The following NEBL variants were observed in gnomAD, a reference collection of about 807,000 sequenced individuals.
NEBL encodes nebulette.
In NEBL, 122 loss-of-function variants were observed where a neutral mutation model predicts 140.2. That is an observed-to-expected ratio of 0.87 (90% CI 0.75 to 1.01). NEBL has a LOEUF of 1.01. Ranked by LOEUF, NEBL falls within the 50% of genes least tolerant of loss-of-function variation. The pLI, the probability that NEBL is intolerant of heterozygous loss-of-function variation, is 0.00. For missense variants in NEBL, 1,365 were observed against 1,231.3 expected, an observed-to-expected ratio of 1.11 and a Z score of -1.62; for synonymous variants, 436 against 398.9, an observed-to-expected ratio of 1.09 and a Z score of -1.11.
In NEBL at chr10:21,253,489, G is replaced by C. The variant is rs953478404; in HGVS notation, n.183-1661C>G. Among the ~76,000 whole-genome samples the C allele has an allele frequency of 1.7e-4, 26 of 151,516 alleles. No individual in the cohort carries two copies. In the South Asian group the frequency reaches 2.1e-3, roughly 12 times the overall value. On this transcript the variant is annotated intron_variant and non_coding_transcript_variant, in intron 1 of 8. Transcript: ENST00000675702. ...GATAAACTAGACAACATTGAGGGTAGGAGCCATTTATAGAGTACTTAGTGG... is the reference window on the plus strand; with the variant it reads ...GATAAACTAGACAACATTGAGGGTACGAGCCATTTATAGAGTACTTAGTGG...
Position 20,859,713 on chromosome 10 carries a change from A to G in NEBL, c.798T>C (p.Asn266=), listed in dbSNP as rs770019579. Residue 266 remains asparagine (N), a splice_region_variant and synonymous_variant, in exon 8 of 28, where the codon AAT becomes AAC. Transcript: ENST00000377122. ...QNQLAATLAS[N]VKYKKDIQNM... ...TAATTTTCTATGAATTACAACTTACATTGCTCGCCAGTGTAGCAGCAAGCT... is the reference window on the plus strand; with the variant it reads ...TAATTTTCTATGAATTACAACTTACGTTGCTCGCCAGTGTAGCAGCAAGCT... 3 of 1,560,650 alleles carry G rather than the reference A, an allele frequency of 1.9e-6. No individual in the cohort carries two copies. The highest frequency in any genetic ancestry group is 1.7e-5 in the Admixed American group (1 of 59,418).
intron 1 of NEBL, among the ~76,000 whole-genome samples, chr10:21,268,626 C>A (rs1842826682): frequency 6.6e-6 from 1 of 151,296 alleles, no homozygotes; most frequent in Non-Finnish European, 1.5e-5. Flanking sequence ...CAGGTTCATG[C>A]AATTCTCCTG....
chr10:21,025,918 T>C, intron 2 of NEBL, among the ~76,000 whole-genome samples: 1 of 152,180 alleles, frequency 6.6e-6, no homozygotes, highest in South Asian at 2.1e-4. Context: ...ATAATATTAT[T>C]ATCACTATTA....
intron 2 of NEBL, among the ~76,000 whole-genome samples, chr10:21,059,608 T>A (rs944225959): frequency 3.3e-5 from 5 of 152,234 alleles, no homozygotes; most frequent in African/African-American, 1.2e-4. Context: ...TGGAAAAGCA[T>A]AATGCTCTGT....
chr10:21,023,644 G>A (rs947550527), intron 2 of NEBL, among the ~76,000 whole-genome samples: 35 of 152,146 alleles, frequency 2.3e-4, no homozygotes, highest in African/African-American at 7.7e-4. Flanking sequence ...GCAGTGAGCC[G>A]AGATTGTGCC....
At position 21,219,896 on chromosome 10, in the gene NEBL, A is replaced by T. The variant is rs116379774; in HGVS notation, n.348+28025T>A. 5.3e-3 allele frequency among the ~76,000 whole-genome samples: 697 copies of T among 130,352 alleles called. 8 individuals are homozygous for T. Among genetic ancestry groups the T allele is most frequent in the African/African-American group, 0.018 (643 of 34,912 alleles). The allele number at this position is 130,352 out of a possible 152,430, so 85.5% of individuals were successfully genotyped here. A position where few individuals can be genotyped will look rare whatever the true frequency, so the allele number is the denominator to read the frequency against. On this transcript the variant is annotated intron_variant and non_coding_transcript_variant, in intron 3 of 8. Coordinates refer to the NEBL transcript ENST00000675702. ...TTTTTGGAAAGTTCATTGTTAGTGTATACAAATGCTATTAATTTTTGTTTG... is the reference window on the plus strand; with the variant it reads ...TTTTTGGAAAGTTCATTGTTAGTGTTTACAAATGCTATTAATTTTTGTTTG...
At chr10:21,135,477 T>G (rs1839314108) in intron 2 of NEBL, among the ~76,000 whole-genome samples, 1 of 151,910 alleles carries the variant, frequency 6.6e-6, no homozygotes, top group East Asian at 1.9e-4. Flanking sequence ...CATCATAATA[T>G]TTGACAAAAA....
intron 11 of NEBL, among the ~76,000 whole-genome samples, chr10:20,847,588 G>T (rs923161807): frequency 1.3e-5 from 2 of 152,160 alleles, no homozygotes; most frequent in East Asian, 1.9e-4. Context: ...TGCTCAGCAT[G>T]AATGTTTCTA....
intron 2 of NEBL, among the ~76,000 whole-genome samples, chr10:21,052,900 C>T (rs549526154): frequency 1.3e-5 from 2 of 152,108 alleles, no homozygotes; most frequent in Non-Finnish European, 2.9e-5. Context: ...ATAAATAATT[C>T]GCTGACATAC....
At chr10:20,955,716 C>G (rs1835767722) in intron 4 of NEBL, among the ~76,000 whole-genome samples, 1 of 152,008 alleles carries the variant, frequency 6.6e-6, no homozygotes, top group Non-Finnish European at 1.5e-5. Context: ...TTTAGAACAC[C>G]TCATCTGGTC....
chr10:21,169,063 AAAAAATATATATATATATATAT>A lies in NEBL; in HGVS notation c.164+3298_164+3319del, dbSNP rs1343948008. ...GACTCCGTCTACAAAAAAAAAAAAA[AAAAAATATATATATATATATAT>A]ATATATATATATATATATATATTTG... On this transcript the variant is annotated intron_variant, in intron 2 of 6. Transcript: ENST00000417816. Among the ~76,000 whole-genome samples, 107 of 35,310 alleles carry A rather than the reference AAAAAATATATATATATATATAT, an allele frequency of 3.0e-3. 5 individuals carry two copies. In the South Asian group the frequency reaches 0.079, roughly 26 times the overall value. The allele number at this position is 35,310 out of a possible 152,430, so 23.2% of individuals were successfully genotyped here.
chr10:21,020,244 C>T (rs1838732799), intron 2 of NEBL: 7 of 1,538,986 alleles, frequency 4.5e-6, no homozygotes, highest in Non-Finnish European at 6.3e-6. Flanking sequence ...AAATATTGTG[C>T]TACAAAACAA....
At chr10:21,201,152 G>C (rs1438986483) in intron 3 of NEBL, among the ~76,000 whole-genome samples, 2 of 152,080 alleles carry the variant, frequency 1.3e-5, no homozygotes, top group African/African-American at 2.4e-5. Context: ...TAACAAAAAG[G>C]ACAATGCCAA....
At chr10:21,052,573 G>A (rs893158050) in intron 2 of NEBL, among the ~76,000 whole-genome samples, 2 of 152,190 alleles carry the variant, frequency 1.3e-5, no homozygotes, top group Non-Finnish European at 2.9e-5. Flanking sequence ...GACTGTCACC[G>A]ATTGGTCAGC....
At chr10:20,981,959 A>G (rs998449918) in intron 3 of NEBL, among the ~76,000 whole-genome samples, 6 of 152,208 alleles carry the variant, frequency 3.9e-5, no homozygotes, top group Non-Finnish European at 8.8e-5. Flanking sequence ...CATTTCTAAC[A>G]AAAAGAATTC....
At chr10:20,790,609 A>AC (rs1564326568) in intron 26 of NEBL, among the ~76,000 whole-genome samples, 1 of 151,788 alleles carries the variant, frequency 6.6e-6, no homozygotes, top group East Asian at 1.9e-4. Flanking sequence ...TCAAAAAAAA[A>AC]AAAACAAAAC....
upstream of NEBL, among the ~76,000 whole-genome samples, chr10:21,177,391 A>C (rs1472285321): frequency 6.6e-6 from 1 of 152,170 alleles, no homozygotes; most frequent in African/African-American, 2.4e-5. Flanking sequence ...TAAGTCACTG[A>C]GATTTGGGGG....
intron 4 of NEBL, among the ~76,000 whole-genome samples, chr10:20,920,737 C>T (rs1226665486): frequency 6.6e-6 from 1 of 152,030 alleles, no homozygotes; most frequent in Non-Finnish European, 1.5e-5. Flanking sequence ...TTTGGAAAAT[C>T]ATGGAAACTT....
intron 3 of NEBL, among the ~76,000 whole-genome samples, chr10:21,006,324 C>T (rs545953178): frequency 1.5e-4 from 23 of 152,256 alleles, no homozygotes; most frequent in Admixed American, 9.8e-4. Flanking sequence ...CAGAACAAAA[C>T]GTATTTGTGT....
Sources: gnomAD v4.1 joint callset for allele counts (sites outside exome capture counted in the v4.1 genomes callset) on GRCh38, gnomAD v4.1.1 for gene constraint, MANE v1.5 for transcripts, NCBI Gene and HGNC (gene_info 2026-07-23, HGNC 2026-07-21) for gene names.